The following CYP20A1 variants were observed in gnomAD, a reference collection of about 807,000 sequenced individuals.
CYP20A1 encodes the protein cytochrome P450 family 20 subfamily A member 1, also known as cytochrome P450 20A1.
In CYP20A1, 61 loss-of-function variants were observed where a neutral mutation model predicts 61.4. That is an observed-to-expected ratio of 0.99 (90% CI 0.81 to 1.23). CYP20A1 has a LOEUF of 1.23. CYP20A1 is among the 50% of genes most tolerant of loss of function. CYP20A1 has a pLI of 0.00. For missense variants in CYP20A1, 530 were observed against 542.4 expected, an observed-to-expected ratio of 0.98 and a Z score of 0.23; for synonymous variants, 193 against 188.2, an observed-to-expected ratio of 1.03 and a Z score of -0.21.
At chr2:203,271,063 TATATATATATATATATATA>T in intron 5 of CYP20A1, among the ~76,000 whole-genome samples, 3 of 60,176 alleles carry the variant, frequency 5.0e-5, no homozygotes, top group African/African-American at 2.1e-4. Flanking sequence ...TGTATATATA[TATATATATATATATATATA>T]TTTTTTTTTT....
At chr2:203,269,919 A>G (rs367645365) in intron 5 of CYP20A1, among the ~76,000 whole-genome samples, 1 of 152,266 alleles carries the variant, frequency 6.6e-6, no homozygotes, top group African/African-American at 2.4e-5. Context: ...GTGAGCCACC[A>G]TGCCCATGTT....
chr2:203,259,227 T>G (rs6722162), intron 4 of CYP20A1, among the ~76,000 whole-genome samples: 140,762 of 152,188 alleles, frequency 0.92, 65,359 homozygotes, highest in Non-Finnish European at 0.96. Context: ...TTTACTTTAG[T>G]TTTGTATTGT....
chr2:203,240,491 G>T (rs967509981), intron 1 of CYP20A1, among the ~76,000 whole-genome samples: 2 of 152,210 alleles, frequency 1.3e-5, no homozygotes, highest in Admixed American at 1.3e-4. Context: ...TAGAGAAGGG[G>T]AACAGACAAT....
At chr2:203,272,896 G>T in intron 6 of CYP20A1, 148 bp downstream of exon 6, 2 of 419,450 alleles carry the variant, frequency 4.8e-6, no homozygotes, top group Non-Finnish European at 8.3e-6. Flanking sequence ...TTGCCAGGCT[G>T]GAGTGCAGTG....
chr2:203,285,345 G>A (rs2068220721), intron 8 of CYP20A1, among the ~76,000 whole-genome samples: 1 of 152,048 alleles, frequency 6.6e-6, no homozygotes, highest in South Asian at 2.1e-4. Context: ...GTAAAATTAA[G>A]TGGCTCCAGT....
chr2:203,293,001 C>A (rs2068606065), intron 11 of CYP20A1, among the ~76,000 whole-genome samples: 1 of 151,612 alleles, frequency 6.6e-6, no homozygotes, highest in African/African-American at 2.4e-5. Context: ...TAGCGAAACC[C>A]TGTCTCTAAT....
intron 4 of CYP20A1, among the ~76,000 whole-genome samples, chr2:203,255,952 C>A (rs1462893619): frequency 6.6e-6 from 1 of 151,974 alleles, no homozygotes; most frequent in Non-Finnish European, 1.5e-5. Flanking sequence ...CTGGATAGGT[C>A]CCCTTTTATT....
At chr2:203,265,750 G>A (rs1235974747) in intron 4 of CYP20A1, among the ~76,000 whole-genome samples, 1 of 152,136 alleles carries the variant, frequency 6.6e-6, no homozygotes, top group Non-Finnish European at 1.5e-5. Context: ...GAGTGCGGTG[G>A]CATGATCTTG....
chr2:203,282,750 T>C (rs974117375), intron 8 of CYP20A1, among the ~76,000 whole-genome samples: 2 of 152,160 alleles, frequency 1.3e-5, no homozygotes, highest in African/African-American at 4.8e-5. Context: ...TAATAAGTCC[T>C]TACTCTGCCC....
At chr2:203,269,313 TGTG>T (rs1419490542) in intron 5 of CYP20A1, among the ~76,000 whole-genome samples, 1 of 142,144 alleles carries the variant, frequency 7.0e-6, no homozygotes, top group Non-Finnish European at 1.5e-5. Flanking sequence ...ATTAGTGAAG[TGTG>T]GTGGCATGCA....
At chr2:203,280,711 C>CAGTGTTTT (rs535228608) in intron 8 of CYP20A1, among the ~76,000 whole-genome samples, 23 of 152,066 alleles carry the variant, frequency 1.5e-4, no homozygotes, top group Non-Finnish European at 2.9e-4. Flanking sequence ...AACAAACAAA[C>CAGTGTTTT]AAAAATAAAA....
rs34951226 is a variant in CYP20A1, at chr2:203,303,874, CAA to C, written c.*6985_*6986del. Among the ~76,000 whole-genome samples the C allele has an allele frequency of 6.9e-3, 618 of 89,248 alleles. 3 individuals carry two copies. The highest frequency in any genetic ancestry group is 0.011 in the African/African-American group (212 of 19,530). 58.6% of individuals were successfully genotyped at this position (89,248 alleles called of 152,430 possible). On this transcript the variant is annotated 3_prime_UTR_variant, in exon 13 of 13. Transcript: ENST00000356079. ...CTTAGGCAATAAAACAAGACTGTCT[CAA>C]AAAAAAAAAAAAAAAAAACTTATTG...
In CYP20A1 at chr2:203,303,164, C is replaced by G. The variant is rs2069090243; in HGVS notation, c.*6256C>G. 6.6e-6 allele frequency among the ~76,000 whole-genome samples: 1 copy of G among 151,658 alleles called. No homozygotes were observed. The highest frequency in any genetic ancestry group is 2.1e-4 in the South Asian group (1 of 4,808). ...TACGGGTATGTGCCACTACACTCAG[C>G]TAATTTTTGTATTTTTTTTTAGTAG... On this transcript the variant is annotated 3_prime_UTR_variant, in exon 13 of 13. Transcript: ENST00000356079.
At chr2:203,279,768 CCT>C (rs2067970173) in intron 7 of CYP20A1, among the ~76,000 whole-genome samples, 1 of 152,042 alleles carries the variant, frequency 6.6e-6, no homozygotes, top group African/African-American at 2.4e-5. Context: ...CAACAAATAC[CCT>C]GATTTGATCA....
At position 203,264,381 on chromosome 2, in the gene CYP20A1, G is replaced by A. The variant is rs561728161; in HGVS notation, c.433-2133G>A. ...TATTCTTGGTACTGACTACTTTGTCGTTATGAAATATCCCTCTTTATCTCT... is the reference window on the plus strand; with the variant it reads ...TATTCTTGGTACTGACTACTTTGTCATTATGAAATATCCCTCTTTATCTCT... On this transcript the variant is annotated intron_variant, in intron 4 of 12. Transcript: ENST00000356079. Among the ~76,000 whole-genome samples, 16 of 152,128 alleles carry A rather than the reference G, an allele frequency of 1.1e-4. No homozygotes were observed. The South Asian group carries it at 2.3e-3, about 22-fold the overall frequency.
At position 203,290,348 on chromosome 2, in the gene CYP20A1, C is replaced by G. The variant is rs1231398862; in HGVS notation, c.1083+472C>G. Among the ~76,000 whole-genome samples the G allele has an allele frequency of 3.3e-5, 5 of 152,124 alleles. No homozygotes were observed. The East Asian group carries it at 9.6e-4, about 29-fold the overall frequency. ...AATAATATGTGCTTGTTTTAAAGTT[C>G]AAGCAATATAAAAGTCTTCCTTCCC... On this transcript the variant is annotated intron_variant, in intron 10 of 12. Transcript: ENST00000356079.
chr2:203,246,565 T>G (rs1183586727), intron 2 of CYP20A1, among the ~76,000 whole-genome samples, 190 bp from the exon 3 acceptor site: 1 of 152,188 alleles, frequency 6.6e-6, no homozygotes, highest in African/African-American at 2.4e-5. Context: ...ATCAGACAAA[T>G]CCATATCTAA....
chr2:203,253,649 A>G (rs929683923), intron 4 of CYP20A1, among the ~76,000 whole-genome samples: 4 of 152,238 alleles, frequency 2.6e-5, no homozygotes, highest in Non-Finnish European at 5.9e-5. Context: ...AATCTATAGC[A>G]TAACATAAGT....
intron 6 of CYP20A1, among the ~76,000 whole-genome samples, chr2:203,275,605 A>G (rs1378709058): frequency 2.6e-5 from 4 of 151,968 alleles, no homozygotes; most frequent in Non-Finnish European, 5.9e-5. Flanking sequence ...GTGCTCAAAT[A>G]ATTTTTATAG....
Sources: allele counts gnomAD v4.1 joint callset (sites outside exome capture counted in the v4.1 genomes callset), GRCh38; gene constraint gnomAD v4.1.1; transcripts MANE v1.5; gene names NCBI Gene and HGNC (gene_info 2026-07-23, HGNC 2026-07-21).